SMYD3: variants seen among roughly 807,000 people sequenced by gnomAD.
SMYD3 encodes histone-lysine N-methyltransferase SMYD3.
Under a neutral mutation model 57.7 loss-of-function variants are expected in SMYD3, and 36 were observed. The observed-to-expected ratio is 0.62, with a 90% CI of 0.48 to 0.82. The LOEUF is 0.82. Among genes scored for constraint, SMYD3 ranks in the 40% least tolerant of loss-of-function variants. The pLI is 0.00. For missense variants in SMYD3, 515 were observed against 538.8 expected, an observed-to-expected ratio of 0.96 and a Z score of 0.44; for synonymous variants, 211 against 195.0, an observed-to-expected ratio of 1.08 and a Z score of -0.68.
chr1:245,772,366 T>C (rs2046372190), intron 10 of SMYD3, among the ~76,000 whole-genome samples: 1 of 152,204 alleles, frequency 6.6e-6, no homozygotes, highest in Non-Finnish European at 1.5e-5. Context: ...AGGTGGGGTT[T>C]AGGCCAGGCG....
chr1:246,334,702 C>T (rs1406116852), intron 3 of SMYD3, among the ~76,000 whole-genome samples: 1 of 152,026 alleles, frequency 6.6e-6, no homozygotes, highest in African/African-American at 2.4e-5. Context: ...CACATGTACC[C>T]CCTGAATCTA....
In SMYD3 at chr1:245,749,540, T is replaced by C; in HGVS notation, c.*23A>G. On this transcript the variant is annotated 3_prime_UTR_variant, in exon 12 of 12. Transcript: ENST00000490107. ...AGGCATTCAACAAAGACACACGCCG[T>C]ATTTCCCTCTGACTGCGTTCCCTTA... is the stretch of plus-strand genomic sequence containing the variant. 6.3e-7 allele frequency: 1 copy of C among 1,587,774 alleles called. No homozygotes were observed. Among genetic ancestry groups the C allele is most frequent in the Non-Finnish European group, 8.7e-7 (1 of 1,156,022 alleles).
chr1:245,811,084 G>T (rs1290804417), intron 10 of SMYD3, among the ~76,000 whole-genome samples: 1 of 152,196 alleles, frequency 6.6e-6, no homozygotes, highest in Non-Finnish European at 1.5e-5. Context: ...CCTGGAATTT[G>T]TAAGTGTGAA....
chr1:245,880,206 A>G (rs1046721876), intron 8 of SMYD3, among the ~76,000 whole-genome samples: 113 of 152,380 alleles, frequency 7.4e-4, no homozygotes, highest in African/African-American at 2.4e-3. Context: ...AAATCCTGCC[A>G]ATCTGAACTC....
At chr1:246,337,074 C>T (rs2065554478) in intron 2 of SMYD3, among the ~76,000 whole-genome samples, 1 of 152,170 alleles carries the variant, frequency 6.6e-6, no homozygotes, top group South Asian at 2.1e-4. Context: ...TCAGTACTCA[C>T]TGAAAGGCAT....
rs1479013513 is a variant in SMYD3 at position 246,489,975 on chromosome 1, G to A, written c.164+17079C>T. Among the ~76,000 whole-genome samples, 8 of 148,578 alleles carry A rather than the reference G, an allele frequency of 5.4e-5. No individual in the cohort carries two copies. In the East Asian group the frequency reaches 5.9e-4, roughly 11 times the overall value. On this transcript the variant is annotated intron_variant, in intron 1 of 11. Coordinates refer to ENST00000490107, the MANE Select transcript of SMYD3 (RefSeq NM_001167740.2). ...CCCAACTACCTGGGACTAGAAGTAC[G>A]ACCACCGCACCTTGCTAATTTTTTC...
chr1:246,117,467 T>G (rs189661159), intron 5 of SMYD3, among the ~76,000 whole-genome samples: 180 of 152,310 alleles, frequency 1.2e-3, no homozygotes, highest in African/African-American at 4.0e-3. Context: ...CCAGGATGAC[T>G]GATTATCTCA....
intron 5 of SMYD3, among the ~76,000 whole-genome samples, chr1:246,245,120 CTTTT>C (rs74163421): frequency 0.17 from 21,150 of 123,282 alleles, 1,870 homozygotes; most frequent in East Asian, 0.34. Context: ...CAGCTACTGC[CTTTT>C]TTTTTTTTTT....
chr1:246,362,875 G>A (rs1353367116), intron 1 of SMYD3, among the ~76,000 whole-genome samples: 5 of 151,326 alleles, frequency 3.3e-5, no homozygotes, highest in Non-Finnish European at 7.4e-5. Flanking sequence ...GCCTCTGCCC[G>A]GCCGCCACCC....
chr1:246,084,922 C>G (rs1436090009), intron 5 of SMYD3, among the ~76,000 whole-genome samples: 1 of 152,064 alleles, frequency 6.6e-6, no homozygotes, highest in Admixed American at 6.5e-5. Flanking sequence ...TTCTTTAGAG[C>G]ACATTATTTT....
intron 5 of SMYD3, among the ~76,000 whole-genome samples, chr1:246,323,571 C>A (rs1178143784): frequency 6.6e-6 from 1 of 152,172 alleles, no homozygotes. Flanking sequence ...GAAATATGCT[C>A]TCGGGATTAA....
chr1:246,041,952 A>T (rs2148296489), intron 5 of SMYD3, among the ~76,000 whole-genome samples: 1 of 152,130 alleles, frequency 6.6e-6, no homozygotes, highest in South Asian at 2.1e-4. Flanking sequence ...TTTTTCTAAC[A>T]CTCTCCACCA....
At chr1:246,009,529 C>T (rs1024899315) in intron 5 of SMYD3, among the ~76,000 whole-genome samples, 3 of 152,072 alleles carry the variant, frequency 2.0e-5, no homozygotes, top group Non-Finnish European at 2.9e-5. Flanking sequence ...CATACACACA[C>T]GTACATAAAA....
At chr1:246,112,397 C>G (rs763299387) in intron 5 of SMYD3, among the ~76,000 whole-genome samples, 5 of 152,092 alleles carry the variant, frequency 3.3e-5, no homozygotes, top group Non-Finnish European at 7.4e-5. Context: ...TCTTATAAAT[C>G]GATGTTAAAA....
In SMYD3 at chr1:246,052,477, T is replaced by C. The variant is rs184500954; in HGVS notation, c.532-122540A>G. On this transcript the variant is annotated intron_variant, in intron 5 of 11. Transcript: ENST00000490107. ...ATGCATTTCAAAGATAATCCTAACA[T>C]GATTTTCTAATAGTACGCAAGTCCA... The C allele has an allele frequency of 2.0e-5, 3 of 152,348 alleles. No homozygotes were observed. The East Asian group carries it at 5.8e-4, about 29-fold the overall frequency. 9.4% of individuals were successfully genotyped at this position (152,348 alleles called of 1,614,324 possible).
intron 5 of SMYD3, among the ~76,000 whole-genome samples, chr1:246,099,136 A>T (rs938843312): frequency 6.6e-6 from 1 of 152,226 alleles, no homozygotes; most frequent in Non-Finnish European, 1.5e-5. Flanking sequence ...AAATGGTAAT[A>T]GCCAGTTTGT....
intron 1 of SMYD3, among the ~76,000 whole-genome samples, chr1:246,412,594 A>T (rs750857826): frequency 1.3e-5 from 2 of 152,090 alleles, no homozygotes; most frequent in Non-Finnish European, 2.9e-5. Context: ...CTTAAATTGA[A>T]GTAAGAAGTG....
At chr1:245,840,124 G>C (rs12041084) in intron 10 of SMYD3, among the ~76,000 whole-genome samples, 2 of 151,990 alleles carry the variant, frequency 1.3e-5, no homozygotes, top group African/African-American at 4.8e-5. Flanking sequence ...CAGAAAAACA[G>C]AGGAAATAAA....
intron 10 of SMYD3, among the ~76,000 whole-genome samples, chr1:245,815,090 C>T (rs1412190396): frequency 6.6e-6 from 1 of 152,188 alleles, no homozygotes; most frequent in East Asian, 1.9e-4. Context: ...TAGGTACAAC[C>T]TCCAAGGAAA....
Sources: gnomAD v4.1 joint callset for allele counts (sites outside exome capture counted in the v4.1 genomes callset) on GRCh38, gnomAD v4.1.1 for gene constraint, MANE v1.5 for transcripts, NCBI Gene and HGNC (gene_info 2026-07-23, HGNC 2026-07-21) for gene names.